STAM: variants seen among roughly 807,000 people sequenced by gnomAD.
STAM encodes the protein signal transducing adapter molecule 1.
In STAM, 16 loss-of-function variants were observed where a neutral mutation model predicts 63.4. That is an observed-to-expected ratio of 0.25 (90% CI 0.17 to 0.38). The LOEUF (loss-of-function observed/expected upper bound fraction) is 0.38, where lower values mean the gene tolerates loss of function less well. Ranked by LOEUF, STAM falls within the 10% of genes least tolerant of loss-of-function variation. The pLI, the probability that STAM is intolerant of heterozygous loss-of-function variation, is 1.00. For synonymous variants in STAM, 238 were observed against 223.9 expected, an observed-to-expected ratio of 1.06 and a Z score of -0.56; for missense variants, 636 against 657.1, an observed-to-expected ratio of 0.97 and a Z score of 0.35.
In STAM at chr10:17,714,967, C is replaced by T. The variant is rs531527628; in HGVS notation, c.*187C>T. The T allele has an allele frequency of 2.1e-3, 1,235 of 596,420 alleles. 31 individuals are homozygous for T. In the South Asian group the frequency reaches 0.023, roughly 11 times the overall value. 36.9% of individuals were successfully genotyped at this position (596,420 alleles called of 1,614,324 possible). On this transcript the variant is annotated 3_prime_UTR_variant, in exon 14 of 14. Transcript: ENST00000377524. ...GACTTTTTAGAGGTTCTTCCCCCCCCGCCCCTGCAGAGGAATGAAACTACT... is the reference window on the plus strand; with the variant it reads ...GACTTTTTAGAGGTTCTTCCCCCCCTGCCCCTGCAGAGGAATGAAACTACT...
intron 2 of STAM, among the ~76,000 whole-genome samples, chr10:17,680,003 A>G (rs1835014769): frequency 6.6e-6 from 1 of 150,500 alleles, no homozygotes; most frequent in African/African-American, 2.4e-5. Flanking sequence ...AAGGTTTTTC[A>G]GTTTTGTTGA....
intron 2 of STAM, among the ~76,000 whole-genome samples, chr10:17,673,386 G>A (rs773892172): frequency 7.2e-5 from 11 of 152,184 alleles, no homozygotes; most frequent in Non-Finnish European, 1.0e-4. Flanking sequence ...ATAGTGAAAA[G>A]CAGTATTTTT....
At chr10:17,657,157 G>A (rs1833972843) in intron 1 of STAM, among the ~76,000 whole-genome samples, 1 of 152,030 alleles carries the variant, frequency 6.6e-6, no homozygotes, top group African/African-American at 2.4e-5. Context: ...AGATTTTATT[G>A]GAGCCCCCTT....
intron 2 of STAM, among the ~76,000 whole-genome samples, chr10:17,677,535 C>T (rs1411078851): frequency 2.0e-5 from 3 of 152,074 alleles, no homozygotes; most frequent in Non-Finnish European, 2.9e-5. Context: ...TATGGGGTCA[C>T]GGACCCTGGC....
At position 17,715,502 on chromosome 10, in the gene STAM, A is replaced by AT. The variant is rs60388750; in HGVS notation, c.*723dup. The AT allele has an allele frequency of 0.094, 14,338 of 152,560 alleles. 733 individuals are homozygous for AT. The highest frequency in any genetic ancestry group is 0.15 in the Middle Eastern group (45 of 294). The allele number at this position is 152,560 out of a possible 1,614,324, so 9.5% of individuals were successfully genotyped here. A position where few individuals can be genotyped will look rare whatever the true frequency, so the allele number is the denominator to read the frequency against. On this transcript the variant is annotated 3_prime_UTR_variant, in exon 14 of 14. Transcript: ENST00000377524. Reference sequence around the variant, plus strand: ...CAGTAGCTAAATTTTTGGTGCAATTATAGCAAATGATAATGTTCCCTTTTG... The same window carrying AT: ...CAGTAGCTAAATTTTTGGTGCAATTATTAGCAAATGATAATGTTCCCTTTTG...
chr10:17,713,697 C>T (rs1836666566), intron 13 of STAM, among the ~76,000 whole-genome samples: 1 of 152,096 alleles, frequency 6.6e-6, no homozygotes, highest in African/African-American at 2.4e-5. Flanking sequence ...CTCCCATCTC[C>T]ACCATTACTG....
Position 17,693,102 on chromosome 10 carries a change from A to T in STAM, c.445-120A>T, listed in dbSNP as rs1253399256. ...TAAGGTGGAAGCTGCTGCAGTTTGG[A>T]TTTCTTCTTTCAGAAATCTGTGCTA... is the stretch of plus-strand genomic sequence containing the variant. On this transcript the variant is annotated intron_variant, in intron 5 of 13. Transcript: ENST00000377524. The T allele has an allele frequency of 2.3e-5, 17 of 740,510 alleles. No homozygotes were observed. In the African/African-American group the frequency reaches 2.3e-4, roughly 10 times the overall value. 45.9% of individuals were successfully genotyped at this position (740,510 alleles called of 1,614,324 possible). A position where few individuals can be genotyped will look rare whatever the true frequency, so the allele number is the denominator to read the frequency against.
chr10:17,676,351 A>C (rs1240799735), intron 2 of STAM, among the ~76,000 whole-genome samples: 6 of 152,176 alleles, frequency 3.9e-5, no homozygotes, highest in African/African-American at 1.2e-4. Flanking sequence ...CCTTTCTTTG[A>C]ATCTGACAGT....
chr10:17,690,626 A>C (rs1554826667), intron 5 of STAM, among the ~76,000 whole-genome samples: 3 of 152,248 alleles, frequency 2.0e-5, no homozygotes, highest in African/African-American at 7.2e-5. Flanking sequence ...TAGTTACTTA[A>C]GTTATTACTG....
At chr10:17,668,144 G>A (rs1408934590) in intron 2 of STAM, among the ~76,000 whole-genome samples, 4 of 152,344 alleles carry the variant, frequency 2.6e-5, no homozygotes, top group Non-Finnish European at 5.9e-5. Context: ...TAGGACAGGA[G>A]TGATGTTGGA....
chr10:17,665,383 G>C (rs1834335125), intron 2 of STAM, among the ~76,000 whole-genome samples: 1 of 151,968 alleles, frequency 6.6e-6, no homozygotes, highest in African/African-American at 2.4e-5. Flanking sequence ...TCCTATCCCT[G>C]TTTCGCTGCT....
chr10:17,648,515 C>T (rs1313092602), intron 1 of STAM, among the ~76,000 whole-genome samples: 3 of 152,208 alleles, frequency 2.0e-5, no homozygotes, highest in Non-Finnish European at 4.4e-5. Flanking sequence ...GCTGCTCACT[C>T]TTTGGGTCCG....
At chr10:17,645,624 CT>C (rs1833489929) in intron 1 of STAM, among the ~76,000 whole-genome samples, 2 of 152,176 alleles carry the variant, frequency 1.3e-5, no homozygotes, top group African/African-American at 4.8e-5. Context: ...TAGATGCTAC[CT>C]TTTTTGTTCC....
intron 8 of STAM, among the ~76,000 whole-genome samples, chr10:17,697,609 C>T (rs902671199): frequency 1.3e-5 from 2 of 152,082 alleles, no homozygotes; most frequent in Non-Finnish European, 2.9e-5. Flanking sequence ...GCTACATAGT[C>T]GGTCAAAGTA....
chr10:17,700,334 TTTTGC>T, intron 9 of STAM, 55 bp downstream of exon 9: 1 of 1,376,932 alleles, frequency 7.3e-7, no homozygotes, highest in Non-Finnish European at 9.9e-7. Flanking sequence ...ATTTAAATGG[TTTTGC>T]TTTAAGAAAA....
At chr10:17,682,237 T>C (rs1293496508) in intron 2 of STAM, among the ~76,000 whole-genome samples, 1 of 152,230 alleles carries the variant, frequency 6.6e-6, no homozygotes, top group East Asian at 1.9e-4. Context: ...TGAAATAGTA[T>C]TGTCAGTACT....
At chr10:17,659,704 C>T (rs1834086965) in intron 1 of STAM, among the ~76,000 whole-genome samples, 1 of 151,906 alleles carries the variant, frequency 6.6e-6, no homozygotes, top group Non-Finnish European at 1.5e-5. Flanking sequence ...CTCAAGTGAT[C>T]CTCCCACCTC....
chr10:17,651,351 G>T (rs531011818), intron 1 of STAM, among the ~76,000 whole-genome samples: 2 of 152,166 alleles, frequency 1.3e-5, no homozygotes, highest in Non-Finnish European at 2.9e-5. Context: ...ATAGCACCTG[G>T]CATGTAGTAA....
chr10:17,686,322 T>A (rs1439044635), intron 4 of STAM, among the ~76,000 whole-genome samples: 1 of 152,088 alleles, frequency 6.6e-6, no homozygotes, highest in Admixed American at 6.6e-5. Flanking sequence ...GACTTCTCTT[T>A]ATTTTCTGAA....
Sources: gnomAD v4.1 joint callset for allele counts (sites outside exome capture counted in the v4.1 genomes callset) on GRCh38, gnomAD v4.1.1 for gene constraint, MANE v1.5 for transcripts, NCBI Gene and HGNC (gene_info 2026-07-23, HGNC 2026-07-21) for gene names.